CLEC16A: variants seen among roughly 807,000 people sequenced by gnomAD.
The protein encoded by CLEC16A is C-type lectin domain containing 16A.
Under a neutral mutation model 109.5 loss-of-function variants are expected in CLEC16A, and 51 were observed. The observed-to-expected ratio is 0.47, with a 90% CI of 0.37 to 0.59. The LOEUF (loss-of-function observed/expected upper bound fraction) is 0.59, where lower values mean the gene tolerates loss of function less well. CLEC16A is among the 20% of genes least tolerant of loss of function. The pLI is 0.00. For missense variants in CLEC16A, 1,339 were observed against 1,394.0 expected (o/e 0.96, Z 0.63); for synonymous variants, 673 against 564.2 (o/e 1.19, Z -2.73).
intron 22 of CLEC16A, among the ~76,000 whole-genome samples, chr16:11,148,591 C>T (rs2054164783): frequency 6.6e-6 from 1 of 152,322 alleles, no homozygotes; most frequent in South Asian, 2.1e-4. Context: ...AGCCAGTCAG[C>T]ATCAGGGCTG....
intron 19 of CLEC16A, among the ~76,000 whole-genome samples, chr16:11,078,255 C>T (rs1251834976): frequency 6.6e-6 from 1 of 152,076 alleles, no homozygotes; most frequent in East Asian, 1.9e-4. Flanking sequence ...CCAGACCTCA[C>T]TCCAGAAGGT....
At chr16:11,034,226 G>A (rs1457157538) in intron 13 of CLEC16A, among the ~76,000 whole-genome samples, 1 of 152,180 alleles carries the variant, frequency 6.6e-6, no homozygotes, top group Non-Finnish European at 1.5e-5. Flanking sequence ...ATTGGAAATC[G>A]GCCCAACATC....
At chr16:11,146,600 GA>G (rs1276486318) in intron 22 of CLEC16A, among the ~76,000 whole-genome samples, 1 of 151,364 alleles carries the variant, frequency 6.6e-6, no homozygotes, top group Non-Finnish European at 1.5e-5. Context: ...GGGATTGATG[GA>G]TGGGTAGAGA....
intron 19 of CLEC16A, among the ~76,000 whole-genome samples, chr16:11,075,503 A>G (rs1443255130): frequency 6.6e-6 from 1 of 151,762 alleles, no homozygotes; most frequent in Non-Finnish European, 1.5e-5. Context: ...TGGCATAATC[A>G]TAGCTCTCTG....
intron 11 of CLEC16A, among the ~76,000 whole-genome samples, chr16:11,012,594 CAAAAAA>C (rs551902895): frequency 2.9e-4 from 20 of 67,940 alleles, no homozygotes; most frequent in South Asian, 6.3e-4. Context: ...GACTCCGTCT[CAAAAAA>C]AAAAAAAAAA....
chr16:11,051,536 T>C lies in CLEC16A; in HGVS notation c.1890T>C (p.Tyr630=), dbSNP rs1482544713. The change falls in exon 18 of 24, where the codon TAT becomes TAC. Residue 630 remains tyrosine (Y), a synonymous_variant. Transcript: ENST00000409790. ...SMTMKPMNVE[Y]LMMDASILLP... is the part of the protein sequence containing the mutation. Reference sequence around the variant, plus strand: ...AGATGAAGCCCATGAACGTGGAATATCTCATGATGGACGCCTCCATCCTGC... The same window carrying C: ...AGATGAAGCCCATGAACGTGGAATACCTCATGATGGACGCCTCCATCCTGC... 1 of 1,613,968 alleles carries C rather than the reference T, an allele frequency of 6.2e-7. No homozygotes were observed. Among genetic ancestry groups the C allele is most frequent in the Non-Finnish European group, 8.5e-7 (1 of 1,179,840 alleles).
chr16:11,130,602 C>T (rs754947403), intron 22 of CLEC16A, among the ~76,000 whole-genome samples: 3 of 152,220 alleles, frequency 2.0e-5, no homozygotes, highest in Non-Finnish European at 4.4e-5. Flanking sequence ...GAGATTCGGT[C>T]ATCAGAAACC....
chr16:11,150,497 G>A (rs1304128587), intron 22 of CLEC16A, among the ~76,000 whole-genome samples: 5 of 152,114 alleles, frequency 3.3e-5, no homozygotes, highest in Non-Finnish European at 7.4e-5. Flanking sequence ...CGTTGCAGTG[G>A]GCATCCTTGG....
chr16:11,008,085 C>A (rs556461916), intron 11 of CLEC16A, among the ~76,000 whole-genome samples: 1 of 152,174 alleles, frequency 6.6e-6, no homozygotes, highest in African/African-American at 2.4e-5. Flanking sequence ...CACTCTCGGT[C>A]GTTGTCAGGG....
intron 19 of CLEC16A, among the ~76,000 whole-genome samples, chr16:11,070,369 CT>C (rs770922338): frequency 6.8e-3 from 962 of 142,206 alleles, no homozygotes; most frequent in Non-Finnish European, 7.3e-3. Context: ...TGCACCCGGC[CT>C]TTTTTTTTTT....
intron 19 of CLEC16A, among the ~76,000 whole-genome samples, chr16:11,117,699 C>A (rs1029034289): frequency 1.3e-5 from 2 of 152,186 alleles, no homozygotes; most frequent in African/African-American, 4.8e-5. Context: ...TCACTTCACT[C>A]CTCATGGGTA....
intron 22 of CLEC16A, among the ~76,000 whole-genome samples, chr16:11,152,002 T>TTG (rs1455009898): frequency 6.6e-6 from 1 of 152,078 alleles, no homozygotes; most frequent in Non-Finnish European, 1.5e-5. Context: ...CCAGGGGGTT[T>TTG]TGTGTGTGTG....
rs560124220 is a variant in CLEC16A at position 11,036,661 on chromosome 16, T to C, written c.1538-3093T>C. On this transcript the variant is annotated intron_variant, in intron 13 of 23. Transcript: ENST00000409790. ...GCCTCCTGGGTTCAAGCAATTCTCATTTCTGAGCCTCTCAAGTAGCTGGTA... is the reference window on the plus strand; with the variant it reads ...GCCTCCTGGGTTCAAGCAATTCTCACTTCTGAGCCTCTCAAGTAGCTGGTA... Among the ~76,000 whole-genome samples the C allele has an allele frequency of 1.3e-4, 20 of 151,428 alleles. No individual in the cohort carries two copies. In the South Asian group the frequency reaches 4.2e-3, roughly 32 times the overall value.
At position 10,988,965 on chromosome 16, in the gene CLEC16A, C is replaced by T. The variant is rs181381517; in HGVS notation, c.1071+5974C>T. ...CCTGGGACCTTCTTCCCTGGGCTTACGAGCTGTCTCTGGACTGATGAATGT... is the reference window on the plus strand; with the variant it reads ...CCTGGGACCTTCTTCCCTGGGCTTATGAGCTGTCTCTGGACTGATGAATGT... On this transcript the variant is annotated intron_variant, in intron 10 of 23. Transcript: ENST00000409790. Among the ~76,000 whole-genome samples, 56 of 152,290 alleles carry T rather than the reference C, an allele frequency of 3.7e-4. No individual in the cohort carries two copies. The East Asian group carries it at 4.4e-3, about 12-fold the overall frequency.
chr16:11,058,755 G>T (rs563138416), intron 18 of CLEC16A, among the ~76,000 whole-genome samples: 1 of 152,278 alleles, frequency 6.6e-6, no homozygotes, highest in East Asian at 1.9e-4. Context: ...AGAGTGGTGG[G>T]CTGCAGAAAG....
chr16:11,099,962 A>C (rs1189893250), intron 19 of CLEC16A, among the ~76,000 whole-genome samples: 1 of 151,760 alleles, frequency 6.6e-6, no homozygotes, highest in Non-Finnish European at 1.5e-5. Context: ...ATCTAGCCAG[A>C]GTTGCACCTG....
rs117897925 is a variant in CLEC16A at position 11,134,746 on chromosome 16, G to T, written c.2641+8600G>T. 4.1e-3 allele frequency among the ~76,000 whole-genome samples: 626 copies of T among 152,306 alleles called. 6 individuals carry two copies. Among genetic ancestry groups the T allele is most frequent in the Admixed American group, 0.03 (452 of 15,300 alleles). On this transcript the variant is annotated intron_variant, in intron 22 of 23. Coordinates refer to ENST00000409790, the MANE Select transcript of CLEC16A (RefSeq NM_015226.3). The stretch of plus-strand genomic sequence containing the variant: ...TTTGGATTTTGGATTTTCAGATTTG[G>T]ATTGCTCAACCTGCAATGACTGAGC...
At chr16:11,074,169 C>A (rs1271746785) in intron 19 of CLEC16A, among the ~76,000 whole-genome samples, 3 of 151,348 alleles carry the variant, frequency 2.0e-5, no homozygotes, top group African/African-American at 7.3e-5. Context: ...TTTCTTTTTT[C>A]TTTTTCCTTA....
chr16:11,151,927 C>A (rs943693852), intron 22 of CLEC16A, among the ~76,000 whole-genome samples: 1 of 152,038 alleles, frequency 6.6e-6, no homozygotes, highest in African/African-American at 2.4e-5. Context: ...GTGAGGAACC[C>A]GGGAAGTGAG....
Sources: gnomAD v4.1 joint callset for allele counts (sites outside exome capture counted in the v4.1 genomes callset) on GRCh38, gnomAD v4.1.1 for gene constraint, MANE v1.5 for transcripts, NCBI Gene and HGNC (gene_info 2026-07-23, HGNC 2026-07-21) for gene names.